The following COG8 variants were observed in gnomAD, a reference collection of about 807,000 sequenced individuals.
The protein encoded by COG8 is component of oligomeric golgi complex 8.
Under a neutral mutation model 46.5 loss-of-function variants are expected in COG8, and 45 were observed. The ratio of observed to expected loss-of-function variants is 0.97; its 90% CI spans 0.76 to 1.24. COG8 has a LOEUF of 1.24. Among genes scored for constraint, COG8 ranks in the 50% most tolerant of loss-of-function variants. The probability of loss-of-function intolerance (pLI) is 0.00; values close to 1 mark genes in which losing one functional copy is unlikely to be tolerated. For synonymous variants in COG8, 407 were observed against 347.8 expected (o/e 1.17, Z -1.90); for missense variants, 793 against 820.8 (o/e 0.97, Z 0.41).
rs1274294609 is a variant in COG8, at chr16:69,334,971, C to T, written c.963G>A (p.Gln321=). Residue 321 remains glutamine, a synonymous_variant, in exon 3 of 6, where the codon CAG becomes CAA. Transcript: ENST00000306875. The part of the protein sequence containing the change: ...ESAIFHGWVL[Q]KVSQFLQVLE... ...GCACCTGCAGGAATTGTGAGACCTT[C>T]TGTAGCACCCAGCCATGGAAGATGG... 2 of 1,614,184 alleles carry T rather than the reference C, an allele frequency of 1.2e-6. No homozygotes were observed. The highest frequency in any genetic ancestry group is 3.3e-5 in the Admixed American group (2 of 60,018).
In COG8 at chr16:69,327,297, A is replaced by C. The variant is rs1442951919; in HGVS notation, c.*1909T>G. ...ATTCTCCCGCCTCAGCCTCCCAAGT[A>C]GCTGTGATTACAGGCGCCTACCAGC... On this transcript the variant is annotated 3_prime_UTR_variant, in exon 6 of 6. Coordinates refer to ENST00000306875, the MANE Select transcript of COG8 (RefSeq NM_032382.5). 1 of 150,670 alleles carries C rather than the reference A, an allele frequency of 6.6e-6. No individual in the cohort carries two copies. Among genetic ancestry groups the C allele is most frequent in the East Asian group, 2.0e-4 (1 of 5,122 alleles). 9.3% of individuals were successfully genotyped at this position (150,670 alleles called of 1,614,324 possible). A position where few individuals can be genotyped will look rare whatever the true frequency, so the allele number is the denominator to read the frequency against.
chr16:69,334,406 A>C (rs2012065880), intron 3 of COG8, 115 bp downstream of exon 3: 1 of 960,398 alleles, frequency 1.0e-6, no homozygotes, highest in Non-Finnish European at 1.6e-6. Context: ...CCAAAACCAC[A>C]CTAGACCTCT....
chr16:69,332,747 G>C lies in COG8; in HGVS notation c.1549C>G (p.Leu517Val), dbSNP rs138398268. The C allele has an allele frequency of 3.0e-5, 49 of 1,614,084 alleles. No homozygotes were observed. In the African/African-American group the frequency reaches 5.3e-4, roughly 18 times the overall value. Residue 517 changes from leucine to valine, a missense_variant, in exon 4 of 6, where the codon CTT becomes GTT. Physicochemically the swap from Leu to Val is conservative, Grantham distance 32 (BLOSUM62 1). Transcript: ENST00000306875. ...VPYLNRCLQV[L>V]FPPAQIAQTL... ...TGTGCTATCTGAGCTGGTGGAAAAA[G>C]GACTTGGAGACAGCGATTTAAATAC... is the stretch of plus-strand genomic sequence containing the variant.
At chr16:69,331,752 C>G (rs529276523) in intron 4 of COG8, among the ~76,000 whole-genome samples, 1 of 152,030 alleles carries the variant, frequency 6.6e-6, no homozygotes, top group African/African-American at 2.4e-5. Flanking sequence ...CCATCCGCCT[C>G]GGCCTCCCAA....
At position 69,328,613 on chromosome 16, in the gene COG8, C is replaced by T; in HGVS notation, c.*593G>A. 1.1e-5 allele frequency: 2 copies of T among 186,964 alleles called. No individual in the cohort carries two copies. The highest frequency in any genetic ancestry group is 9.7e-5 in the South Asian group (1 of 10,332). 11.6% of individuals were successfully genotyped at this position (186,964 alleles called of 1,614,324 possible). A position where few individuals can be genotyped will look rare whatever the true frequency, so the allele number is the denominator to read the frequency against. ...GCCCTCCGTAAAAATAAGAACTCGGCACAAATGGCCAGTCACATGCTTACC... is the reference window on the plus strand; with the variant it reads ...GCCCTCCGTAAAAATAAGAACTCGGTACAAATGGCCAGTCACATGCTTACC... On this transcript the variant is annotated 3_prime_UTR_variant, in exon 6 of 6. Coordinates refer to ENST00000306875, the MANE Select transcript of COG8 (RefSeq NM_032382.5).
chr16:69,338,919 G>A (rs2012364194), intron 1 of COG8, among the ~76,000 whole-genome samples: 1 of 152,166 alleles, frequency 6.6e-6, no homozygotes, highest in Admixed American at 6.5e-5. Flanking sequence ...GAACCCAGGA[G>A]GCAGAGGTAG....
chr16:69,338,581 A>G (rs998134981), intron 1 of COG8: 5 of 153,230 alleles, frequency 3.3e-5, no homozygotes, highest in African/African-American at 1.2e-4. Flanking sequence ...CTTTGTGCCC[A>G]CAACTGCCCT....
At chr16:69,333,657 A>G (rs1414642048) in intron 3 of COG8, among the ~76,000 whole-genome samples, 1 of 152,214 alleles carries the variant, frequency 6.6e-6, no homozygotes, top group African/African-American at 2.4e-5. Flanking sequence ...CTGACACTAC[A>G]GATATGTGGC....
At chr16:69,339,088 G>C (rs1322405177) in intron 1 of COG8, 88 bp downstream of exon 1, 1 of 1,581,600 alleles carries the variant, frequency 6.3e-7, no homozygotes, top group East Asian at 2.2e-5. Flanking sequence ...CTGGAACGTG[G>C]TAAACGCTTT....
chr16:69,330,459 C>T, intron 5 of COG8: 2 of 1,471,570 alleles, frequency 1.4e-6, no homozygotes, highest in East Asian at 5.9e-5. Context: ...CCCTCGACGC[C>T]GTCCGGGGCG....
rs1372228004 is a variant in COG8 at position 69,330,626 on chromosome 16, G to A, written c.*26+187C>T. ...CCCTTCCGGCCGCAGCGCGGGGCAC[G>A]CCGGGAAGCGCCGTCGGCCAGCACA... On this transcript the variant is annotated intron_variant, in intron 5 of 5. Transcript: ENST00000306875. 1.1e-5 allele frequency: 16 copies of A among 1,403,538 alleles called. No individual in the cohort carries two copies. In the Middle Eastern group the frequency reaches 7.9e-4, roughly 69 times the overall value. 86.9% of individuals were successfully genotyped at this position (1,403,538 alleles called of 1,614,324 possible).
Position 69,328,801 on chromosome 16 carries a change from G to A in COG8, c.*405C>T. On this transcript the variant is annotated 3_prime_UTR_variant, in exon 6 of 6. Transcript: ENST00000306875. ...TGTTAGGAAATGTCCACTCCTTTGG[G>A]GGTGATTTTTCTCCTCAAGTTGTAG... 3.5e-6 allele frequency: 2 copies of A among 570,998 alleles called. No homozygotes were observed. The highest frequency in any genetic ancestry group is 7.5e-5 in the Admixed American group (2 of 26,696). 35.4% of individuals were successfully genotyped at this position (570,998 alleles called of 1,614,324 possible). A position where few individuals can be genotyped will look rare whatever the true frequency, so the allele number is the denominator to read the frequency against.
chr16:69,329,951 G>C (rs758416731), intron 5 of COG8: 2 of 1,488,940 alleles, frequency 1.3e-6, no homozygotes, highest in South Asian at 2.6e-5. Context: ...TCGGGCAGAA[G>C]AGACGCGCGC....
chr16:69,331,895 G>T (rs1419626677), intron 4 of COG8, among the ~76,000 whole-genome samples: 1 of 152,216 alleles, frequency 6.6e-6, no homozygotes, highest in Non-Finnish European at 1.5e-5. Flanking sequence ...CAGCAGTGTA[G>T]GGTGCCTGCA....
Position 69,330,834 on chromosome 16 carries a change from G to A in COG8, c.*5C>T, listed in dbSNP as rs1170163933. ...GCACCGCGTTCTGGAGGCAGGGGAC[G>A]CCGGCTAGGGCCCCACGCTGGGCGG... On this transcript the variant is annotated 3_prime_UTR_variant, in exon 5 of 6. Transcript: ENST00000306875. The A allele has an allele frequency of 5.9e-6, 9 of 1,534,038 alleles. No homozygotes were observed. The African/African-American group carries it at 9.6e-5, about 16-fold the overall frequency.
At position 69,339,262 on chromosome 16, in the gene COG8, G is replaced by T. The variant is rs1178952800; in HGVS notation, c.291C>A (p.Thr97=). 1 of 1,612,610 alleles carries T rather than the reference G, an allele frequency of 6.2e-7. No homozygotes were observed. Among genetic ancestry groups the T allele is most frequent in the Non-Finnish European group, 8.5e-7 (1 of 1,179,778 alleles). ...CGCCAAACAGGCGGTGGATGCGCTC[G>T]GTGCACTCGGCGCCGCGGATGAAGG... The part of the protein sequence containing the change: ...YKTFIRGAEC[T]ERIHRLFGDV... Residue 97 remains threonine (T), a synonymous_variant, in exon 1 of 6, where the codon ACC becomes ACA. Coordinates refer to ENST00000306875, the MANE Select transcript of COG8 (RefSeq NM_032382.5).
Position 69,335,313 on chromosome 16 carries a change from C to T in COG8, c.621G>A (p.Leu207=). The change falls in exon 3 of 6, where the codon CTG becomes CTA. Residue 207 remains leucine, a synonymous_variant. Transcript: ENST00000306875. ...IVNEVRQSMQ[L]MLSQLIQQLR... ...GTTGCTGGATCAGCTGGCTCAGCATCAGCTGCATGGACTGGCGCACTTCGT... is the reference window on the plus strand; with the variant it reads ...GTTGCTGGATCAGCTGGCTCAGCATTAGCTGCATGGACTGGCGCACTTCGT... The T allele has an allele frequency of 6.2e-7, 1 of 1,608,842 alleles. No individual in the cohort carries two copies.
intron 2 of COG8, among the ~76,000 whole-genome samples, chr16:69,335,573 C>T (rs1159079579): frequency 6.6e-6 from 1 of 152,124 alleles, no homozygotes; most frequent in Non-Finnish European, 1.5e-5. Flanking sequence ...AACCTGTAAT[C>T]CCAGCACCGT....
Position 69,327,216 on chromosome 16 carries a change from GGA to G in COG8, c.*1988_*1989del, listed in dbSNP as rs908227484. 7.2e-6 allele frequency: 1 copy of G among 138,052 alleles called. No homozygotes were observed. The highest frequency in any genetic ancestry group is 2.8e-5 in the African/African-American group (1 of 36,198). The allele number at this position is 138,052 out of a possible 1,614,324, so 8.6% of individuals were successfully genotyped here. ...AGAGCCTTGGTCTGTCGCCCAGGCTGGAGTACAGTGGCGAGATCTCAGCCCAC... is the reference window on the plus strand; with the variant it reads ...AGAGCCTTGGTCTGTCGCCCAGGCTGGTACAGTGGCGAGATCTCAGCCCAC... On this transcript the variant is annotated 3_prime_UTR_variant, in exon 6 of 6. Coordinates refer to ENST00000306875, the MANE Select transcript of COG8 (RefSeq NM_032382.5).
Sources: allele counts gnomAD v4.1 joint callset (sites outside exome capture counted in the v4.1 genomes callset), GRCh38; gene constraint gnomAD v4.1.1; transcripts MANE v1.5; gene names NCBI Gene and HGNC (gene_info 2026-07-23, HGNC 2026-07-21).